The following DHX15 variants were observed in gnomAD, a reference collection of about 807,000 sequenced individuals.
DHX15 encodes DEAH-box helicase 15, also known as ATP-dependent RNA helicase DHX15.
DHX15 carries 11 observed loss-of-function variants against 94.4 expected under a neutral mutation model. The observed-to-expected ratio is 0.12, with a 90% CI of 0.07 to 0.19. DHX15 has a LOEUF of 0.19. DHX15 is among the 10% of genes least tolerant of loss of function. The pLI, the probability that DHX15 is intolerant of heterozygous loss-of-function variation, is 1.00. For missense variants in DHX15, 304 were observed against 988.5 expected (o/e 0.31, Z 9.29); for synonymous variants, 338 against 329.9 (o/e 1.02, Z -0.27).
intron 3 of DHX15, among the ~76,000 whole-genome samples, chr4:24,558,585 T>C (rs936834951): frequency 2.6e-5 from 4 of 152,172 alleles, no homozygotes; most frequent in African/African-American, 9.6e-5. Flanking sequence ...CTTAGTTAAA[T>C]GGCCAAAACT....
intron 2 of DHX15, among the ~76,000 whole-genome samples, chr4:24,571,061 T>C (rs1017262353): frequency 1.3e-5 from 2 of 152,154 alleles, no homozygotes; most frequent in African/African-American, 4.8e-5. Flanking sequence ...CCAAGTTGGG[T>C]AGACACAATC....
At chr4:24,546,565 C>T (rs1042641580) in intron 6 of DHX15, among the ~76,000 whole-genome samples, 12 of 152,302 alleles carry the variant, frequency 7.9e-5, no homozygotes, top group Admixed American at 2.6e-4. Context: ...CAAAAATTAT[C>T]AAGAGGTAAA....
At chr4:24,576,211 T>C (rs990926806) in intron 2 of DHX15, 32 bp downstream of exon 2, 5 of 1,545,294 alleles carry the variant, frequency 3.2e-6, no homozygotes, top group African/African-American at 2.7e-5. Context: ...TAAACATAAA[T>C]GAAATATGTA....
intron 5 of DHX15, 58 bp downstream of exon 5, chr4:24,554,667 G>T: frequency 8.0e-7 from 1 of 1,250,990 alleles, no homozygotes; most frequent in Non-Finnish European, 1.1e-6. Context: ...GATTAAGGTT[G>T]CTGCATATTA....
chr4:24,578,497 G>T (rs902421624), intron 1 of DHX15, among the ~76,000 whole-genome samples: 6 of 152,194 alleles, frequency 3.9e-5, no homozygotes, highest in Admixed American at 6.5e-5. Flanking sequence ...TGAACAAAAA[G>T]GATTCATGTT....
At chr4:24,545,711 G>T (rs1051854714) in intron 6 of DHX15, among the ~76,000 whole-genome samples, 5 of 152,200 alleles carry the variant, frequency 3.3e-5, no homozygotes, top group Middle Eastern at 3.2e-3. Flanking sequence ...CCCTAACCAT[G>T]TTCTAATTGT....
chr4:24,556,220 ATAGT>A, intron 4 of DHX15, 27 bp downstream of exon 4: 1 of 1,602,400 alleles, frequency 6.2e-7, no homozygotes, highest in Non-Finnish European at 8.5e-7. Flanking sequence ...ACACACATAT[ATAGT>A]TAAATGGAGA....
intron 5 of DHX15, among the ~76,000 whole-genome samples, chr4:24,553,512 G>A (rs896213713): frequency 6.1e-4 from 92 of 151,916 alleles, no homozygotes; most frequent in African/African-American, 2.0e-3. Flanking sequence ...GGTGGCTCGC[G>A]CCTATAATCC....
chr4:24,551,664 T>A (rs1228294156), intron 5 of DHX15, among the ~76,000 whole-genome samples: 1 of 152,206 alleles, frequency 6.6e-6, no homozygotes, highest in Non-Finnish European at 1.5e-5. Context: ...TGTATCTAGA[T>A]TAGAATGCCC....
chr4:24,557,738 C>T (rs192043229), intron 3 of DHX15, among the ~76,000 whole-genome samples: 10 of 152,246 alleles, frequency 6.6e-5, no homozygotes, highest in Admixed American at 3.3e-4. Context: ...TAAATTATGA[C>T]TCAGTGCCTT....
Position 24,570,935 on chromosome 4 carries a change from A to T in DHX15, c.508-88T>A, listed in dbSNP as rs765303731. The T allele has an allele frequency of 2.2e-6, 3 of 1,335,814 alleles. No individual in the cohort carries two copies. The South Asian group carries it at 4.2e-5, about 19-fold the overall frequency. The allele number at this position is 1,335,814 out of a possible 1,614,324, so 82.7% of individuals were successfully genotyped here. A position where few individuals can be genotyped will look rare whatever the true frequency, so the allele number is the denominator to read the frequency against. ...TAAAGCACTTTATCTCATTCTAATGATTTAAAACCAAATCCAATTAGGCAA... is the reference window on the plus strand; with the variant it reads ...TAAAGCACTTTATCTCATTCTAATGTTTTAAAACCAAATCCAATTAGGCAA... On this transcript the variant is annotated intron_variant, in intron 2 of 13. Coordinates refer to ENST00000336812, the MANE Select transcript of DHX15 (RefSeq NM_001358.3).
rs780406989 is a variant in DHX15 at position 24,576,465 on chromosome 4, TGTTGAATGC to T, written c.276_284del (p.Thr95_Ser97del). The T allele has an allele frequency of 9.3e-6, 15 of 1,614,200 alleles. No homozygotes were observed. Among genetic ancestry groups the T allele is most frequent in the Middle Eastern group, 1.6e-4 (1 of 6,062 alleles). On this transcript the variant is annotated inframe_deletion, in exon 2 of 14. Coordinates refer to ENST00000336812, the MANE Select transcript of DHX15 (RefSeq NM_001358.3). ...CGGCATGCGTTGAATGAGCAGAATG[TGTTGAATGC>T]GTTGAATGTGCTGAGTGGGTTGAGT...
chr4:24,533,780 G>A (rs1439310605), intron 11 of DHX15: 1 of 152,212 alleles, frequency 6.6e-6, no homozygotes, highest in Non-Finnish European at 1.5e-5. Context: ...TCTTTCATGT[G>A]CCAAAGACAG....
At chr4:24,556,748 A>G (rs1015022450) in intron 3 of DHX15, among the ~76,000 whole-genome samples, 1 of 152,224 alleles carries the variant, frequency 6.6e-6, no homozygotes, top group Non-Finnish European at 1.5e-5. Context: ...TAAACCTTTT[A>G]AAAACATACA....
In DHX15 at chr4:24,537,862, A is replaced by C. The variant is rs892565789; in HGVS notation, c.1787-689T>G. The C allele has an allele frequency of 6.6e-6, 1 of 152,224 alleles. No homozygotes were observed. The highest frequency in any genetic ancestry group is 1.5e-5 in the Non-Finnish European group (1 of 68,020). The allele number at this position is 152,224 out of a possible 1,614,324, so 9.4% of individuals were successfully genotyped here. On this transcript the variant is annotated intron_variant, in intron 10 of 13. Coordinates refer to ENST00000336812, the MANE Select transcript of DHX15 (RefSeq NM_001358.3). The surrounding 1 kb of genome is among the most constrained non-coding windows in gnomAD (Gnocchi z 4.7). ...CAGCCTAGTGTTTCAGCATTTTAAC[A>C]AAAGGATTAGAAAATAAAGTCCCAA...
At chr4:24,580,907 T>G (rs1722398014) in intron 1 of DHX15, 1 of 152,184 alleles carries the variant, frequency 6.6e-6, no homozygotes, top group African/African-American at 2.4e-5. Context: ...TTCATCAAAC[T>G]TCTCATTTAT....
rs1250212358 is a variant in DHX15 at position 24,570,650 on chromosome 4, T to G, written c.701+4A>C. On this transcript the variant is annotated splice_donor_region_variant and intron_variant, in intron 3 of 13. Transcript: ENST00000336812. The stretch of plus-strand genomic sequence containing the variant: ...AAAAGCGTCATTAAAGATATAGTAC[T>G]TACTTAAGAATGGTTTTTGCACTAC... 1 of 1,613,716 alleles carries G rather than the reference T, an allele frequency of 6.2e-7. No individual in the cohort carries two copies. Among genetic ancestry groups the G allele is most frequent in the Non-Finnish European group, 8.5e-7 (1 of 1,179,768 alleles).
rs150646495 is a variant in DHX15 at position 24,561,766 on chromosome 4, C to T, written c.702-5356G>A. On this transcript the variant is annotated intron_variant, in intron 3 of 13. Coordinates refer to ENST00000336812, the MANE Select transcript of DHX15 (RefSeq NM_001358.3). The stretch of plus-strand genomic sequence containing the variant: ...GTAAATATGCACACAAAGAAAGGAA[C>T]AACAAACCAGAGGATGGAGGGTGGG... 5.1e-4 allele frequency among the ~76,000 whole-genome samples: 78 copies of T among 152,152 alleles called. 1 individual carries two copies. The East Asian group carries it at 0.013, about 25-fold the overall frequency.
chr4:24,561,102 C>T (rs1283886980), intron 3 of DHX15, among the ~76,000 whole-genome samples: 2 of 151,950 alleles, frequency 1.3e-5, no homozygotes, highest in African/African-American at 2.4e-5. Context: ...GATGTGTATG[C>T]GTGAAAAAAA....
Sources: allele counts gnomAD v4.1 joint callset (sites outside exome capture counted in the v4.1 genomes callset), GRCh38; gene constraint gnomAD v4.1.1; non-coding constraint Gnocchi (gnomAD v3.1); transcripts MANE v1.5; gene names NCBI Gene and HGNC (gene_info 2026-07-23, HGNC 2026-07-21).